Variants in PPFIA1 observed in about 807,000 individuals in gnomAD.
PPFIA1 encodes the protein PPFI scaffold protein A1, also known as liprin-alpha-1.
Under a neutral mutation model 149.9 loss-of-function variants are expected in PPFIA1, and 25 were observed. The observed-to-expected ratio is 0.17, with a 90% confidence interval of 0.12 to 0.23. PPFIA1 has a LOEUF of 0.23. PPFIA1 is among the 10% of genes least tolerant of loss of function. The pLI, the probability that PPFIA1 is intolerant of heterozygous loss-of-function variation, is 1.00. For synonymous variants in PPFIA1, 549 were observed against 552.8 expected (o/e 0.99, Z 0.10); for missense variants, 1,362 against 1,506.5 (o/e 0.90, Z 1.59).
In PPFIA1 at chr11:70,331,105, A is replaced by C. The variant is rs148897607; in HGVS notation, c.1077+786A>C. ...AAATTAGCTGGGCTTGGTGGCGCGC[A>C]TCTGTAATCCCAGCTGCTACTCAGG... On this transcript the variant is annotated intron_variant, in intron 8 of 27. Coordinates refer to ENST00000253925, the MANE Select transcript of PPFIA1 (RefSeq NM_003626.5). Among the ~76,000 whole-genome samples the C allele has an allele frequency of 4.6e-3, 706 of 151,866 alleles. 10 individuals carry two copies. Among genetic ancestry groups the C allele is most frequent in the African/African-American group, 0.016 (664 of 41,384 alleles).
chr11:70,371,981 A>C (rs2135384062), intron 21 of PPFIA1: 2 of 338,260 alleles, frequency 5.9e-6, no homozygotes, highest in Non-Finnish European at 1.1e-5. Context: ...TTGATTTAAA[A>C]GTTAAATTTA....
intron 2 of PPFIA1, among the ~76,000 whole-genome samples, chr11:70,289,869 G>A (rs546485771): frequency 1.3e-5 from 2 of 152,294 alleles, no homozygotes; most frequent in South Asian, 4.1e-4. Context: ...TTGAGACCAG[G>A]AGTTGGAGGC....
rs1591414142 is a variant in PPFIA1, at chr11:70,383,492, A to G, written c.*502A>G. 1 of 158,416 alleles carries G rather than the reference A, an allele frequency of 6.3e-6. No homozygotes were observed. Among genetic ancestry groups the G allele is most frequent in the Admixed American group, 6.5e-5 (1 of 15,322 alleles). 9.8% of individuals were successfully genotyped at this position (158,416 alleles called of 1,614,324 possible). ...TACGGACGCAGCCTAGCTCTACAGC[A>G]ATCATCCTGAAATAAGCATACCTAA... On this transcript the variant is annotated 3_prime_UTR_variant, in exon 28 of 28. Coordinates refer to ENST00000253925, the MANE Select transcript of PPFIA1 (RefSeq NM_003626.5).
At chr11:70,324,369 T>A in intron 2 of PPFIA1, 33 bp from the exon 3 acceptor site, 1 of 1,522,230 alleles carries the variant, frequency 6.6e-7, no homozygotes, top group Non-Finnish European at 9.0e-7. Context: ...GGGGTCTTTC[T>A]TATTTATTTA....
At chr11:70,331,828 C>T (rs1327910636) in intron 8 of PPFIA1, 132 bp from the exon 9 acceptor site, 2 of 990,042 alleles carry the variant, frequency 2.0e-6, no homozygotes, top group Admixed American at 5.9e-5. Context: ...GACCCAGAAG[C>T]AACTCCCATC....
intron 2 of PPFIA1, among the ~76,000 whole-genome samples, chr11:70,315,570 C>A (rs534036502): frequency 5.3e-5 from 8 of 151,818 alleles, no homozygotes. Context: ...CTGAAGATCA[C>A]AGTGTGAGCT....
chr11:70,284,980 C>T (rs961400580), intron 2 of PPFIA1, among the ~76,000 whole-genome samples: 9 of 143,220 alleles, frequency 6.3e-5, no homozygotes, highest in African/African-American at 2.3e-4. Flanking sequence ...GATTTAGCTG[C>T]GTTGTTATTT....
At chr11:70,311,462 T>A (rs1210036893) in intron 2 of PPFIA1, among the ~76,000 whole-genome samples, 1 of 152,214 alleles carries the variant, frequency 6.6e-6, no homozygotes, top group African/African-American at 2.4e-5. Flanking sequence ...ACAGTACTGC[T>A]AAGAACTGAA....
At chr11:70,302,040 A>T (rs1055109409) in intron 2 of PPFIA1, among the ~76,000 whole-genome samples, 4 of 152,262 alleles carry the variant, frequency 2.6e-5, no homozygotes, top group Non-Finnish European at 5.9e-5. Context: ...AAGTGGACTC[A>T]CGAAAGTGCA....
At chr11:70,315,033 A>G (rs906820212) in intron 2 of PPFIA1, among the ~76,000 whole-genome samples, 2 of 152,232 alleles carry the variant, frequency 1.3e-5, no homozygotes, top group Middle Eastern at 3.2e-3. Context: ...CTCACTCACT[A>G]TCACGAGAAC....
Position 70,383,255 on chromosome 11 carries a change from C to T in PPFIA1, c.*265C>T, listed in dbSNP as rs1002848821. ...AGTTACTTACTTTTTCATGTATATC[C>T]AGGCTATAAATATCCTTTCAAATCA... On this transcript the variant is annotated 3_prime_UTR_variant, in exon 28 of 28. Coordinates refer to ENST00000253925, the MANE Select transcript of PPFIA1 (RefSeq NM_003626.5). The T allele has an allele frequency of 8.4e-5, 24 of 286,336 alleles. No homozygotes were observed. The highest frequency in any genetic ancestry group is 6.3e-4 in the South Asian group (20 of 31,882). The allele number at this position is 286,336 out of a possible 1,614,324, so 17.7% of individuals were successfully genotyped here.
At chr11:70,277,047 T>TTATA (rs1267167217) in intron 2 of PPFIA1, among the ~76,000 whole-genome samples, 12 of 27,796 alleles carry the variant, frequency 4.3e-4, no homozygotes, top group African/African-American at 1.6e-3. Context: ...GATATATATA[T>TTATA]ATATATATAT....
At chr11:70,292,150 A>G (rs1270402533) in intron 2 of PPFIA1, among the ~76,000 whole-genome samples, 1 of 152,004 alleles carries the variant, frequency 6.6e-6, no homozygotes, top group African/African-American at 2.4e-5. Flanking sequence ...CGCCTGGCTA[A>G]TTTTTGTATT....
chr11:70,343,993 A>G, intron 15 of PPFIA1, 101 bp downstream of exon 15: 1 of 1,018,012 alleles, frequency 9.8e-7, no homozygotes, highest in Non-Finnish European at 1.5e-6. Context: ...AACATTTTCT[A>G]AGTATTACAT....
intron 23 of PPFIA1, among the ~76,000 whole-genome samples, chr11:70,372,822 G>A (rs532401469): frequency 4.6e-5 from 7 of 152,308 alleles, no homozygotes; most frequent in Admixed American, 1.3e-4. Context: ...CCGGCTAGTC[G>A]TTTCCTGTGA....
At chr11:70,323,068 G>A (rs1244040496) in intron 2 of PPFIA1, among the ~76,000 whole-genome samples, 1 of 152,246 alleles carries the variant, frequency 6.6e-6, no homozygotes, top group Non-Finnish European at 1.5e-5. Context: ...TCCTACTCTG[G>A]AGGGCTCCTG....
intron 26 of PPFIA1, 142 bp downstream of exon 26, chr11:70,378,337 T>G (rs2135458181): frequency 7.5e-7 from 1 of 1,332,248 alleles, no homozygotes; most frequent in Non-Finnish European, 9.6e-7. Flanking sequence ...TATAAATGTT[T>G]TTAAATTAAC....
At position 70,324,708 on chromosome 11, in the gene PPFIA1, A is replaced by G. The variant is rs1161790280; in HGVS notation, c.367-139A>G. On this transcript the variant is annotated intron_variant, in intron 3 of 27. Transcript: ENST00000253925. ...TGAGAATTTATGATATTTTAATACA[A>G]TTGAGAGGAATTTGTTTTTCTGCGG... 3.2e-6 allele frequency: 3 copies of G among 945,160 alleles called. No homozygotes were observed. The East Asian group carries it at 7.3e-5, about 23-fold the overall frequency. 58.5% of individuals were successfully genotyped at this position (945,160 alleles called of 1,614,324 possible). A position where few individuals can be genotyped will look rare whatever the true frequency, so the allele number is the denominator to read the frequency against.
chr11:70,339,406 C>T (rs1367632150), intron 14 of PPFIA1, 100 bp downstream of exon 14: 2 of 1,308,008 alleles, frequency 1.5e-6, no homozygotes, highest in East Asian at 4.8e-5. Context: ...TAGGTCATTG[C>T]TTTCTTGCCC....
Sources: gnomAD v4.1 joint callset for allele counts (sites outside exome capture counted in the v4.1 genomes callset) on GRCh38, gnomAD v4.1.1 for gene constraint, MANE v1.5 for transcripts, NCBI Gene and HGNC (gene_info 2026-07-23, HGNC 2026-07-21) for gene names.